Variants in NUP153 observed in about 807,000 individuals in gnomAD.
NUP153 encodes the protein nuclear pore complex protein Nup153.
NUP153 carries 27 observed loss-of-function variants against 134.6 expected under a neutral mutation model. The ratio of observed to expected loss-of-function variants is 0.20; its 90% CI spans 0.15 to 0.28. NUP153 has a LOEUF of 0.28. Among genes scored for constraint, NUP153 ranks in the 10% least tolerant of loss-of-function variants. The pLI is 1.00. For missense variants in NUP153, 1,821 were observed against 1,731.3 expected (o/e 1.05, Z -0.92); for synonymous variants, 640 against 623.5 (o/e 1.03, Z -0.40).
chr6:17,688,420 C>G lies in NUP153; in HGVS notation c.310G>C (p.Glu104Gln). Residue 104 changes from glutamate (E) to glutamine (Q), a missense_variant, in exon 2 of 22, where the codon GAG (glutamate) becomes CAG (glutamine). Glu to Gln is a conservative substitution (Grantham distance 29, BLOSUM62 2). Transcript: ENST00000262077. ...SNITDGRITP[E>Q]PAVSNTEEPS... ...CCTTCTGTATTACTGACTGCTGGCT[C>G]AGGTGTGATTCTCCCATCAGTAATA... 1 of 1,613,882 alleles carries G rather than the reference C, an allele frequency of 6.2e-7. No homozygotes were observed. The highest frequency in any genetic ancestry group is 8.5e-7 in the Non-Finnish European group (1 of 1,179,754).
intron 11 of NUP153, among the ~76,000 whole-genome samples, chr6:17,652,986 G>A (rs1013204588): frequency 2.0e-5 from 3 of 152,120 alleles, no homozygotes; most frequent in Admixed American, 6.5e-5. Context: ...CTGAGACCAC[G>A]CCATTGTACT....
At chr6:17,682,582 A>G (rs956235925) in intron 2 of NUP153, among the ~76,000 whole-genome samples, 1 of 152,156 alleles carries the variant, frequency 6.6e-6, no homozygotes, top group African/African-American at 2.4e-5. Context: ...CTGTAATCTT[A>G]AAAATGTGCA....
intron 14 of NUP153, among the ~76,000 whole-genome samples, chr6:17,645,242 CAA>C (rs1010515280): frequency 4.4e-4 from 30 of 68,770 alleles, no homozygotes; most frequent in Non-Finnish European, 2.3e-4. Context: ...GACTCTGTCT[CAA>C]AAAAAAAAAA....
intron 1 of NUP153, among the ~76,000 whole-genome samples, chr6:17,699,575 G>A (rs1769912670): frequency 1.3e-5 from 2 of 151,912 alleles, no homozygotes; most frequent in South Asian, 2.1e-4. Flanking sequence ...GGTGGCTCAC[G>A]CCTGTAATCC....
At chr6:17,670,095 CAAAAAAA>C (rs71002244) in intron 5 of NUP153, among the ~76,000 whole-genome samples, 12 of 65,154 alleles carry the variant, frequency 1.8e-4, no homozygotes, top group African/African-American at 2.3e-4. Context: ...GACTCTTTCT[CAAAAAAA>C]AAAAAAAAAA....
Position 17,680,752 on chromosome 6 carries a change from T to A in NUP153, c.335-4982A>T, listed in dbSNP as rs969554800. Among the ~76,000 whole-genome samples, 5 of 152,190 alleles carry A rather than the reference T, an allele frequency of 3.3e-5. No individual in the cohort carries two copies. The highest frequency in any genetic ancestry group is 1.2e-4 in the African/African-American group (5 of 41,452). On this transcript the variant is annotated intron_variant, in intron 2 of 21. Transcript: ENST00000262077. This position sits in a 1 kb window ranked among gnomAD's most constrained non-coding sequence, Gnocchi z 4.5. ...TACTCCAACCCCCAGTGAAAATGGC[T>A]TTTATCAAAAAGGCAATAATGGATG...
At chr6:17,674,678 G>A (rs1394565422) in intron 5 of NUP153, among the ~76,000 whole-genome samples, 1 of 152,190 alleles carries the variant, frequency 6.6e-6, no homozygotes, top group East Asian at 1.9e-4. Context: ...GCTAAGGCAG[G>A]AGAATCGCTT....
chr6:17,666,741 T>C (rs1767554870), intron 8 of NUP153, among the ~76,000 whole-genome samples: 3 of 152,218 alleles, frequency 2.0e-5, no homozygotes, highest in Admixed American at 6.5e-5. Flanking sequence ...TTTGCTAAAC[T>C]GAAACATAGT....
chr6:17,641,229 AAAGAAACAAT>A, intron 14 of NUP153, among the ~76,000 whole-genome samples: 1 of 152,248 alleles, frequency 6.6e-6, no homozygotes, highest in South Asian at 2.1e-4. Context: ...GGATGGAACA[AAAGAAACAAT>A]AAGAAACAAG....
At chr6:17,641,572 G>A (rs530689296) in intron 14 of NUP153, among the ~76,000 whole-genome samples, 1 of 151,378 alleles carries the variant, frequency 6.6e-6, no homozygotes, top group Admixed American at 6.6e-5. Flanking sequence ...AAACAAAAAG[G>A]CCAGGCAGCG....
intron 20 of NUP153, among the ~76,000 whole-genome samples, chr6:17,622,150 A>C (rs953572821): frequency 1.3e-5 from 2 of 152,162 alleles, no homozygotes; most frequent in Non-Finnish European, 2.9e-5. Context: ...CCCAGAGTCA[A>C]GAGTTTTCTA....
intron 2 of NUP153, among the ~76,000 whole-genome samples, chr6:17,677,250 A>T (rs1443623096): frequency 1.3e-5 from 2 of 152,204 alleles, no homozygotes; most frequent in Non-Finnish European, 1.5e-5. Context: ...CTACATCTAC[A>T]GAAGTTCAAA....
At position 17,680,804 on chromosome 6, in the gene NUP153, TC is replaced by T. The variant is rs1463396289; in HGVS notation, c.335-5035del. On this transcript the variant is annotated intron_variant, in intron 2 of 21. Transcript: ENST00000262077. This position sits in a 1 kb window ranked among gnomAD's most constrained non-coding sequence, Gnocchi z 4.5. ...TGGTGAGGATGTAGAGAAAGGAGAATCCTTGTACACTGTTGTTGGTGGGAAT... is the reference window on the plus strand; with the variant it reads ...TGGTGAGGATGTAGAGAAAGGAGAATCTTGTACACTGTTGTTGGTGGGAAT... Among the ~76,000 whole-genome samples the T allele has an allele frequency of 4.6e-5, 7 of 152,284 alleles. No homozygotes were observed. The highest frequency in any genetic ancestry group is 1.7e-4 in the African/African-American group (7 of 41,566).
intron 14 of NUP153, among the ~76,000 whole-genome samples, chr6:17,645,242 CAAAAAAAA>C (rs1010515280): frequency 1.0e-4 from 7 of 68,826 alleles, no homozygotes; most frequent in African/African-American, 3.2e-4. Flanking sequence ...GACTCTGTCT[CAAAAAAAA>C]AAAAAAAAAA....
At chr6:17,655,049 C>G (rs1218823804) in intron 11 of NUP153, among the ~76,000 whole-genome samples, 4 of 152,188 alleles carry the variant, frequency 2.6e-5, no homozygotes, top group Non-Finnish European at 5.9e-5. Flanking sequence ...GCAATTAAGT[C>G]TCTCCAAACT....
chr6:17,633,446 A>C (rs973229738), intron 16 of NUP153, among the ~76,000 whole-genome samples: 2 of 152,258 alleles, frequency 1.3e-5, no homozygotes, highest in Non-Finnish European at 2.9e-5. Flanking sequence ...TTTAACAGAC[A>C]TTTATTAAGC....
chr6:17,667,289 TTAGCTTTC>T (rs1302553707), intron 8 of NUP153, among the ~76,000 whole-genome samples: 1 of 152,208 alleles, frequency 6.6e-6, no homozygotes, highest in Non-Finnish European at 1.5e-5. Context: ...AAGTTCAATA[TTAGCTTTC>T]TTTGCATCAG....
rs1581735074 is a variant in NUP153, at chr6:17,669,604, T to C, written c.853-58A>G. The C allele has an allele frequency of 8.7e-6, 10 of 1,151,038 alleles. No homozygotes were observed. The East Asian group carries it at 1.2e-4, about 13-fold the overall frequency. The allele number at this position is 1,151,038 out of a possible 1,614,324, so 71.3% of individuals were successfully genotyped here. A position where few individuals can be genotyped will look rare whatever the true frequency, so the allele number is the denominator to read the frequency against. ...CATAAAATCTAAGGCACATATTTCA[T>C]GCAGTGAAAATATTTACAAGATAGA... is the stretch of plus-strand genomic sequence containing the variant. On this transcript the variant is annotated intron_variant, in intron 5 of 21. Coordinates refer to ENST00000262077, the MANE Select transcript of NUP153 (RefSeq NM_005124.4).
chr6:17,656,074 G>A (rs1304684884), intron 11 of NUP153, among the ~76,000 whole-genome samples: 8 of 151,894 alleles, frequency 5.3e-5, no homozygotes, highest in African/African-American at 9.7e-5. Context: ...GCATGGTGGC[G>A]TACGCTTGTA....
Sources: allele counts gnomAD v4.1 joint callset (sites outside exome capture counted in the v4.1 genomes callset), GRCh38; gene constraint gnomAD v4.1.1; non-coding constraint Gnocchi (gnomAD v3.1); transcripts MANE v1.5; gene names NCBI Gene and HGNC (gene_info 2026-07-23, HGNC 2026-07-21).